DNAAF19: variants seen among roughly 807,000 people sequenced by gnomAD.
The protein encoded by DNAAF19 is coiled-coil domain containing 103.
chr17:44,904,640 C>T, the DNAAF19 span: 2 of 1,550,564 alleles, frequency 1.3e-6, no homozygotes, highest in Non-Finnish European at 1.7e-6. Flanking sequence ...CTGGGTGCCC[C>T]AGGTGCCCAT....
At chr17:44,901,740 G>GTTTT in the DNAAF19 span, 2 of 1,483,620 alleles carry the variant, frequency 1.3e-6, no homozygotes, top group Non-Finnish European at 1.8e-6. Flanking sequence ...GTTTTGTTTT[G>GTTTT]TTTTTTTAAC....
the DNAAF19 span, chr17:44,902,820 C>T: frequency 1.2e-5 from 19 of 1,536,428 alleles, no homozygotes; most frequent in African/African-American, 2.7e-5. Flanking sequence ...TTGACTGATG[C>T]GGCAAGCTAC....
At chr17:44,900,939 T>C in the DNAAF19 span, 1 of 1,509,026 alleles carries the variant, frequency 6.6e-7, no homozygotes, top group Non-Finnish European at 8.9e-7. Context: ...AGGTACCCTC[T>C]TTCCCCTGAT....
At chr17:44,903,965 G>C in the DNAAF19 span, 1 of 1,550,600 alleles carries the variant, frequency 6.4e-7, no homozygotes, top group Non-Finnish European at 8.7e-7. Flanking sequence ...CTACCTGGCC[G>C]ACATGAGCTT....
the DNAAF19 span, chr17:44,902,400 C>G: frequency 6.2e-7 from 1 of 1,614,228 alleles, no homozygotes; most frequent in Admixed American, 1.7e-5. Context: ...CGTCTGCTGA[C>G]TTCTATCGTG....
At chr17:44,904,149 T>C in the DNAAF19 span, 9 of 1,550,354 alleles carry the variant, frequency 5.8e-6, no homozygotes, top group African/African-American at 2.7e-5. Flanking sequence ...AGCATCCGCA[T>C]GTTCAGCTTG....
At chr17:44,904,437 G>A in the DNAAF19 span, 9 of 1,540,632 alleles carry the variant, frequency 5.8e-6, no homozygotes, top group East Asian at 4.9e-5. Flanking sequence ...CTCTCCCCAC[G>A]CTACCTCAAG....
chr17:44,903,493 C>T, the DNAAF19 span: 9 of 1,274,732 alleles, frequency 7.1e-6, no homozygotes, highest in Admixed American at 1.1e-4. Flanking sequence ...TCTCCCTGCC[C>T]GAGCACCTCG....
At chr17:44,904,052 C>A in the DNAAF19 span, 1 of 1,550,618 alleles carries the variant, frequency 6.4e-7, no homozygotes, top group Non-Finnish European at 8.7e-7. Context: ...AGGTAGCAGC[C>A]ACACCAAAGT....
At chr17:44,901,495 C>T in the DNAAF19 span, 1 of 1,613,664 alleles carries the variant, frequency 6.2e-7, no homozygotes, top group African/African-American at 1.3e-5. Context: ...AAGTCCATTG[C>T]CTAATTTCTG....
At chr17:44,904,616 G>C in the DNAAF19 span, 3 of 1,550,482 alleles carry the variant, frequency 1.9e-6, no homozygotes, top group Non-Finnish European at 2.6e-6. Flanking sequence ...TGTGTCCAAA[G>C]TGGGCAGCCG....
At chr17:44,904,077 A>C in the DNAAF19 span, 1 of 1,550,624 alleles carries the variant, frequency 6.4e-7, no homozygotes, top group East Asian at 2.4e-5. Flanking sequence ...ACGGACTTTG[A>C]TGGGCGGGTG....
At chr17:44,904,992 T>C in the DNAAF19 span, 1 of 1,550,826 alleles carries the variant, frequency 6.4e-7, no homozygotes. Flanking sequence ...TACCTGCTCA[T>C]CACAGCAGTC....
the DNAAF19 span, chr17:44,904,097 G>A: frequency 6.4e-7 from 1 of 1,550,638 alleles, no homozygotes; most frequent in Non-Finnish European, 8.7e-7. Flanking sequence ...GCTGACGGAG[G>A]CAGCCCAGGT....
At chr17:44,904,451 G>A in the DNAAF19 span, 20 of 1,542,214 alleles carry the variant, frequency 1.3e-5, no homozygotes, top group Admixed American at 4.0e-5. Context: ...CCTCAAGGCC[G>A]TGCCCGATGT....
At chr17:44,900,914 T>C in the DNAAF19 span, 3 of 1,397,850 alleles carry the variant, frequency 2.1e-6, no homozygotes, top group Non-Finnish European at 1.9e-6. Flanking sequence ...TTTTGTGTTC[T>C]GGTGAATAAT....
At chr17:44,903,929 G>T in the DNAAF19 span, 1 of 1,550,574 alleles carries the variant, frequency 6.4e-7, no homozygotes, top group Non-Finnish European at 8.7e-7. Context: ...CCCCTGCCCT[G>T]CTTTCCTGAT....
chr17:44,902,875 G>C, the DNAAF19 span: 1 of 1,457,970 alleles, frequency 6.9e-7, no homozygotes, highest in Non-Finnish European at 9.0e-7. Flanking sequence ...TTTGGTTGTT[G>C]TCTTGGGGGT....
At chr17:44,902,680 C>T in the DNAAF19 span, 1 of 1,614,152 alleles carries the variant, frequency 6.2e-7, no homozygotes, top group Non-Finnish European at 8.5e-7. Flanking sequence ...GTTTCAGAAG[C>T]TGCAAGCCAT....
Sources: gnomAD v4.1 joint callset for allele counts on GRCh38, gnomAD v4.1.1 for gene constraint, MANE v1.5 for transcripts, NCBI Gene and HGNC (gene_info 2026-07-23, HGNC 2026-07-21) for gene names.